Variants in GAB2 observed in about 807,000 individuals in gnomAD.
GAB2 encodes the protein GRB2 associated binding protein 2, also known as GRB2-associated-binding protein 2.
GAB2 carries 26 observed loss-of-function variants against 65.5 expected under a neutral mutation model. That is an observed-to-expected ratio of 0.40 (90% CI 0.29 to 0.55). The LOEUF is 0.55. GAB2 is among the 20% of genes least tolerant of loss of function. GAB2 has a pLI of 0.53. For synonymous variants in GAB2, 321 were observed against 329.6 expected (o/e 0.97, Z 0.28); for missense variants, 884 against 875.8 (o/e 1.01, Z -0.12).
intron 1 of GAB2, among the ~76,000 whole-genome samples, chr11:78,378,850 A>G (rs919637766): frequency 6.6e-6 from 1 of 152,162 alleles, no homozygotes; most frequent in Non-Finnish European, 1.5e-5. Flanking sequence ...TCCACTTACC[A>G]TACCAACTAG....
intron 2 of GAB2, among the ~76,000 whole-genome samples, chr11:78,276,111 CA>C (rs539148797): frequency 2.6e-3 from 251 of 97,356 alleles, no homozygotes; most frequent in Admixed American, 3.6e-3. Flanking sequence ...AAGACTGTCT[CA>C]AAAAAAAAAA....
chr11:78,331,746 G>C (rs1012018617), intron 1 of GAB2, among the ~76,000 whole-genome samples: 2 of 152,138 alleles, frequency 1.3e-5, no homozygotes, highest in East Asian at 1.9e-4. Flanking sequence ...GAGGTCCCAG[G>C]CTGGCTCAGA....
rs1864248977 is a variant in GAB2, at chr11:78,218,278, C to A, written c.*994G>T. On this transcript the variant is annotated 3_prime_UTR_variant, in exon 10 of 10. Coordinates refer to ENST00000361507, the MANE Select transcript of GAB2 (RefSeq NM_080491.3). The stretch of plus-strand genomic sequence containing the variant: ...AGGGTTCCCCTCAGTCCCTGCATCA[C>A]CCCCATCCACACCACACTCCCTCCC... 1 of 153,962 alleles carries A rather than the reference C, an allele frequency of 6.5e-6. No homozygotes were observed. The highest frequency in any genetic ancestry group is 2.4e-5 in the African/African-American group (1 of 41,486). 9.5% of individuals were successfully genotyped at this position (153,962 alleles called of 1,614,324 possible).
At chr11:78,242,285 G>A (rs866449758) in intron 3 of GAB2, among the ~76,000 whole-genome samples, 2 of 151,974 alleles carry the variant, frequency 1.3e-5, no homozygotes, top group African/African-American at 4.8e-5. Context: ...GGCGGATCAC[G>A]AGGTCAGGAG....
intron 1 of GAB2, among the ~76,000 whole-genome samples, chr11:78,289,767 G>A (rs957238184): frequency 6.8e-6 from 1 of 147,366 alleles, no homozygotes; most frequent in Non-Finnish European, 1.5e-5. Flanking sequence ...CACAAACAAT[G>A]AGGAAGGTAG....
intron 3 of GAB2, among the ~76,000 whole-genome samples, chr11:78,236,727 ATAT>A (rs1419128400): frequency 2.0e-5 from 3 of 151,930 alleles, no homozygotes; most frequent in Non-Finnish European, 4.4e-5. Flanking sequence ...GGTTATGATT[ATAT>A]TATTTTTCTC....
intron 1 of GAB2, among the ~76,000 whole-genome samples, chr11:78,296,658 G>A (rs1212298552): frequency 1.3e-5 from 2 of 151,956 alleles, no homozygotes; most frequent in Non-Finnish European, 2.9e-5. Context: ...ACACTGCCTT[G>A]TGCCACCTCA....
At chr11:78,262,548 G>A (rs994236567) in intron 2 of GAB2, among the ~76,000 whole-genome samples, 27 of 152,134 alleles carry the variant, frequency 1.8e-4, no homozygotes, top group African/African-American at 6.3e-4. Flanking sequence ...CCCTTCATGT[G>A]CTGAGTAGAG....
intron 2 of GAB2, among the ~76,000 whole-genome samples, chr11:78,276,022 G>A (rs568874493): frequency 1.3e-5 from 2 of 150,114 alleles, no homozygotes; most frequent in East Asian, 2.0e-4. Flanking sequence ...GCTGGGGCAG[G>A]AGAATTGCTT....
In GAB2 at chr11:78,314,017, G is replaced by A. The variant is rs530127721; in HGVS notation, c.76-33116C>T. ...AATTCTAAGTTCTAGTTCTAGCTGG[G>A]TTATTCAGCTAGTTAGCCTCTGGAT... On this transcript the variant is annotated intron_variant, in intron 1 of 9. Coordinates refer to ENST00000361507, the MANE Select transcript of GAB2 (RefSeq NM_080491.3). Among the ~76,000 whole-genome samples, 12 of 152,288 alleles carry A rather than the reference G, an allele frequency of 7.9e-5. No individual in the cohort carries two copies. The South Asian group carries it at 2.1e-3, about 26-fold the overall frequency.
intron 2 of GAB2, among the ~76,000 whole-genome samples, chr11:78,264,027 AT>A (rs1172720185): frequency 2.0e-5 from 3 of 152,134 alleles, no homozygotes; most frequent in African/African-American, 4.8e-5. Context: ...TCTCCACAAA[AT>A]TCTCTAAAAA....
chr11:78,372,992 T>G (rs968005044), intron 1 of GAB2, among the ~76,000 whole-genome samples: 3 of 152,066 alleles, frequency 2.0e-5, no homozygotes, highest in African/African-American at 7.2e-5. Flanking sequence ...TAAGAAAGAA[T>G]CCTTCCACCC....
intron 1 of GAB2, among the ~76,000 whole-genome samples, chr11:78,399,188 T>C (rs977585140): frequency 2.0e-5 from 3 of 152,230 alleles, no homozygotes; most frequent in African/African-American, 7.2e-5. Flanking sequence ...TGATAGCTGC[T>C]GCCTTACAAG....
intron 1 of GAB2, among the ~76,000 whole-genome samples, chr11:78,375,668 T>TAG (rs144243131): frequency 0.028 from 4,194 of 152,246 alleles, 162 homozygotes; most frequent in African/African-American, 0.089. Flanking sequence ...TGAGCTGAAC[T>TAG]AGAGAGGCAG....
chr11:78,223,981 C>A (rs1864546006), intron 5 of GAB2, among the ~76,000 whole-genome samples: 1 of 152,098 alleles, frequency 6.6e-6, no homozygotes, highest in Non-Finnish European at 1.5e-5. Flanking sequence ...ACTCAGGAGG[C>A]TGAGGCACGA....
intron 1 of GAB2, among the ~76,000 whole-genome samples, chr11:78,394,943 G>C (rs1725131027): frequency 6.6e-6 from 1 of 152,210 alleles, no homozygotes; most frequent in African/African-American, 2.4e-5. Flanking sequence ...GACAGTGCTA[G>C]ACAGGCAACC....
At chr11:78,289,005 G>A (rs562150018) in intron 1 of GAB2, among the ~76,000 whole-genome samples, 1 of 152,338 alleles carries the variant, frequency 6.6e-6, no homozygotes, top group East Asian at 1.9e-4. Context: ...TTGGCCGTTT[G>A]GCTAAGATCA....
At chr11:78,341,249 G>A (rs1306099231) in intron 1 of GAB2, among the ~76,000 whole-genome samples, 1 of 152,068 alleles carries the variant, frequency 6.6e-6, no homozygotes, top group East Asian at 1.9e-4. Context: ...TGCCTATTAT[G>A]TGTCATTTCT....
At chr11:78,408,727 G>A (rs1377201659) in intron 1 of GAB2, among the ~76,000 whole-genome samples, 2 of 152,106 alleles carry the variant, frequency 1.3e-5, no homozygotes, top group Middle Eastern at 3.2e-3. Context: ...TTCCCCTTTG[G>A]TGCTGTTCTC....
Sources: allele counts gnomAD v4.1 joint callset (sites outside exome capture counted in the v4.1 genomes callset), GRCh38; gene constraint gnomAD v4.1.1; transcripts MANE v1.5; gene names NCBI Gene and HGNC (gene_info 2026-07-23, HGNC 2026-07-21).